The following NRG3 variants were observed in gnomAD, a reference collection of about 807,000 sequenced individuals.
NRG3 encodes the protein neuregulin 3, also known as pro-neuregulin-3, membrane-bound isoform.
In NRG3, 31 loss-of-function variants were observed where a neutral mutation model predicts 66.9. The ratio of observed to expected loss-of-function variants is 0.46; its 90% CI spans 0.35 to 0.63. NRG3 has a LOEUF of 0.63. Ranked by LOEUF, NRG3 falls within the 20% of genes least tolerant of loss-of-function variation. The pLI is 0.00. For synonymous variants in NRG3, 393 were observed against 359.4 expected, an observed-to-expected ratio of 1.09 and a Z score of -1.06; for missense variants, 910 against 878.9, an observed-to-expected ratio of 1.04 and a Z score of -0.45.
intron 1 of NRG3, among the ~76,000 whole-genome samples, chr10:81,912,117 T>G (rs1416536297): frequency 1.3e-5 from 2 of 152,198 alleles, no homozygotes; most frequent in African/African-American, 2.4e-5. Context: ...ACTTTTCACA[T>G]TTTTTTCTTT....
At chr10:82,375,956 A>G (rs944953092) in intron 2 of NRG3, among the ~76,000 whole-genome samples, 12 of 152,244 alleles carry the variant, frequency 7.9e-5, no homozygotes, top group African/African-American at 2.9e-4. Flanking sequence ...GAAGCACAAA[A>G]GATAAAATGC....
At chr10:82,392,294 C>A (rs1291919327) in intron 2 of NRG3, among the ~76,000 whole-genome samples, 2 of 152,112 alleles carry the variant, frequency 1.3e-5, no homozygotes, top group African/African-American at 2.4e-5. Flanking sequence ...GCATTCAATA[C>A]AGGGTATGCT....
At chr10:82,682,449 G>A (rs2134131673) in intron 2 of NRG3, among the ~76,000 whole-genome samples, 1 of 151,572 alleles carries the variant, frequency 6.6e-6, no homozygotes, top group Non-Finnish European at 1.5e-5. Context: ...AATAGATTAG[G>A]AGATAGAAAA....
At chr10:82,722,110 G>C (rs931780555) in intron 2 of NRG3, among the ~76,000 whole-genome samples, 2 of 152,216 alleles carry the variant, frequency 1.3e-5, no homozygotes, top group Non-Finnish European at 2.9e-5. Context: ...TGCTTTTTAA[G>C]AGGAAGTATG....
intron 1 of NRG3, among the ~76,000 whole-genome samples, chr10:82,231,312 G>A (rs997817830): frequency 1.3e-5 from 2 of 152,092 alleles, no homozygotes; most frequent in Admixed American, 1.3e-4. Context: ...TTGTGCCATT[G>A]CACTCCAGGC....
At chr10:82,177,802 TAAAA>T (rs2073143024) in intron 1 of NRG3, among the ~76,000 whole-genome samples, 3 of 152,168 alleles carry the variant, frequency 2.0e-5, no homozygotes, top group Admixed American at 2.0e-4. Context: ...TGGGATAAAC[TAAAA>T]GAAAGATTAA....
At chr10:82,813,880 A>T (rs1241582185) in intron 3 of NRG3, among the ~76,000 whole-genome samples, 1 of 152,120 alleles carries the variant, frequency 6.6e-6, no homozygotes, top group African/African-American at 2.4e-5. Context: ...CTGAAGCATG[A>T]CTTGGAACGT....
chr10:82,761,925 T>TTTCC, intron 3 of NRG3, among the ~76,000 whole-genome samples: 1 of 73,346 alleles, frequency 1.4e-5, no homozygotes, highest in Non-Finnish European at 3.0e-5. Context: ...TTTCTTTCTC[T>TTTCC]TTCTTTCTTT....
At chr10:82,065,287 A>G (rs541308448) in intron 1 of NRG3, among the ~76,000 whole-genome samples, 1 of 152,332 alleles carries the variant, frequency 6.6e-6, no homozygotes, top group South Asian at 2.1e-4. Flanking sequence ...AGACAATTGC[A>G]GAACACTCTG....
At chr10:82,234,645 C>T (rs2076667210) in intron 1 of NRG3, among the ~76,000 whole-genome samples, 1 of 152,156 alleles carries the variant, frequency 6.6e-6, no homozygotes, top group Non-Finnish European at 1.5e-5. Flanking sequence ...ATAGAGCAAT[C>T]ATTATTAACA....
At position 82,301,741 on chromosome 10, in the gene NRG3, A is replaced by G. The variant is rs78747188; in HGVS notation, c.824-56998A>G. On this transcript the variant is annotated intron_variant, in intron 1 of 8. Transcript: ENST00000372141. ...TTGCCTTTATTTTTAATAAAGAAGC[A>G]CTTTACCCTGATTGTACTTTTAAGC... Among the ~76,000 whole-genome samples the G allele has an allele frequency of 1.5e-3, 217 of 143,504 alleles. 8 individuals are homozygous for G. The East Asian group carries it at 0.04, about 27-fold the overall frequency. The allele number at this position is 143,504 out of a possible 152,430, so 94.1% of individuals were successfully genotyped here. A position where few individuals can be genotyped will look rare whatever the true frequency, so the allele number is the denominator to read the frequency against.
intron 1 of NRG3, among the ~76,000 whole-genome samples, chr10:81,954,336 A>T (rs1589582890): frequency 6.6e-6 from 1 of 152,176 alleles, no homozygotes; most frequent in African/African-American, 2.4e-5. Context: ...GAAAATGTAT[A>T]CTATATAGTT....
chr10:82,254,204 G>A (rs1363505744), intron 1 of NRG3, among the ~76,000 whole-genome samples: 1 of 152,154 alleles, frequency 6.6e-6, no homozygotes, highest in Non-Finnish European at 1.5e-5. Flanking sequence ...AGAATGGAAG[G>A]TTCCAGATAT....
At chr10:82,183,977 G>T (rs1454129597) in intron 1 of NRG3, among the ~76,000 whole-genome samples, 1 of 151,990 alleles carries the variant, frequency 6.6e-6, no homozygotes, top group Non-Finnish European at 1.5e-5. Context: ...CTGCCTCACT[G>T]GGATAACATC....
intron 1 of NRG3, among the ~76,000 whole-genome samples, chr10:82,045,839 T>G (rs11528181): frequency 0.97 from 117,888 of 121,296 alleles, 57,353 homozygotes; most frequent in African/African-American, 0.99. Context: ...TTTCCCCATT[T>G]CTTGTTTTTG....
At chr10:81,950,804 A>G (rs1039402405) in intron 1 of NRG3, among the ~76,000 whole-genome samples, 2 of 152,246 alleles carry the variant, frequency 1.3e-5, no homozygotes, top group African/African-American at 4.8e-5. Context: ...CTTTATGGAA[A>G]GAATGATACA....
At chr10:82,045,028 C>T (rs1011485313) in intron 1 of NRG3, among the ~76,000 whole-genome samples, 10 of 151,254 alleles carry the variant, frequency 6.6e-5, no homozygotes, top group Admixed American at 1.3e-4. Context: ...AATAAACATA[C>T]GTGTGCATGT....
chr10:82,662,267 C>T (rs1434015158), intron 2 of NRG3, among the ~76,000 whole-genome samples: 1 of 151,792 alleles, frequency 6.6e-6, no homozygotes, highest in Non-Finnish European at 1.5e-5. Flanking sequence ...CAAGAAGTGC[C>T]CTGCAGGCTT....
chr10:82,713,110 A>C, intron 2 of NRG3, among the ~76,000 whole-genome samples: 1 of 102,370 alleles, frequency 9.8e-6, no homozygotes, highest in Non-Finnish European at 1.8e-5. Context: ...ACAGAATGAG[A>C]CTTCATCTCA....
Sources: allele counts gnomAD v4.1 joint callset (sites outside exome capture counted in the v4.1 genomes callset), GRCh38; gene constraint gnomAD v4.1.1; transcripts MANE v1.5; gene names NCBI Gene and HGNC (gene_info 2026-07-23, HGNC 2026-07-21).